The following STK32C variants were observed in gnomAD, a reference collection of about 807,000 sequenced individuals.
The protein encoded by STK32C is serine/threonine kinase 32C, also known as serine/threonine-protein kinase 32C.
Under a neutral mutation model 56.5 loss-of-function variants are expected in STK32C, and 31 were observed. That is an observed-to-expected ratio of 0.55 (90% CI 0.41 to 0.74). STK32C has a LOEUF of 0.74. Among genes scored for constraint, STK32C ranks in the 30% least tolerant of loss-of-function variants. STK32C has a pLI of 0.00. For missense variants in STK32C, 544 were observed against 676.9 expected, an observed-to-expected ratio of 0.80 and a Z score of 2.18; for synonymous variants, 309 against 289.4, an observed-to-expected ratio of 1.07 and a Z score of -0.69.
chr10:132,215,545 T>C (rs1476490458), intron 10 of STK32C, among the ~76,000 whole-genome samples: 1 of 149,266 alleles, frequency 6.7e-6, no homozygotes, highest in Non-Finnish European at 1.5e-5. Context: ...ATGTAAGATG[T>C]GACTTGCTCC....
chr10:132,321,210 C>T (rs550270995), downstream of STK32C, among the ~76,000 whole-genome samples: 2 of 152,298 alleles, frequency 1.3e-5, no homozygotes, highest in South Asian at 2.1e-4. Flanking sequence ...CACATGGTGA[C>T]CTGCTTGTCA....
At chr10:132,287,998 G>A (rs571985185) in intron 1 of STK32C, among the ~76,000 whole-genome samples, 14 of 152,082 alleles carry the variant, frequency 9.2e-5, no homozygotes, top group African/African-American at 2.4e-4. Context: ...GGGTAAAGAC[G>A]GCCATACAGG....
At chr10:132,304,034 C>T (rs149710068) in intron 1 of STK32C, among the ~76,000 whole-genome samples, 178 of 152,354 alleles carry the variant, frequency 1.2e-3, no homozygotes, top group Admixed American at 3.2e-3. Flanking sequence ...AGCGGCCACA[C>T]GTGTTAAGGT....
chr10:132,323,637 G>A (rs1329886116), downstream of STK32C, among the ~76,000 whole-genome samples: 3 of 152,196 alleles, frequency 2.0e-5, no homozygotes, highest in Non-Finnish European at 4.4e-5. The surrounding 1 kb of genome is among the most constrained non-coding windows in gnomAD (Gnocchi z 4.8). Flanking sequence ...GGGTGCATGG[G>A]GATTGGAGGC....
chr10:132,211,940 A>G (rs1406745360), intron 10 of STK32C, among the ~76,000 whole-genome samples: 1 of 152,078 alleles, frequency 6.6e-6, no homozygotes, highest in African/African-American at 2.4e-5. Flanking sequence ...TAACTGGACC[A>G]GGAATCCCCA....
chr10:132,231,772 A>G (rs954485145), intron 2 of STK32C, among the ~76,000 whole-genome samples: 1 of 152,214 alleles, frequency 6.6e-6, no homozygotes, highest in Non-Finnish European at 1.5e-5. Flanking sequence ...GTGAAGGTGG[A>G]GCAGAGGCAG....
intron 1 of STK32C, among the ~76,000 whole-genome samples, chr10:132,271,683 C>T (rs2064830681): frequency 6.6e-6 from 1 of 152,202 alleles, no homozygotes; most frequent in Non-Finnish European, 1.5e-5. Context: ...GTGGTGTTTC[C>T]CTAAGGTGGC....
chr10:132,295,829 G>C (rs1047653569), intron 1 of STK32C, among the ~76,000 whole-genome samples: 2 of 152,092 alleles, frequency 1.3e-5, no homozygotes, highest in African/African-American at 4.8e-5. Context: ...GCTGCAGTGA[G>C]CCGAGGTTGT....
At chr10:132,324,855 A>T (rs1432971361) in intron 1 of STK32C, among the ~76,000 whole-genome samples, 1 of 152,218 alleles carries the variant, frequency 6.6e-6, no homozygotes, top group Non-Finnish European at 1.5e-5. Context: ...TGGTCTAGAA[A>T]GGAAGGACAA....
chr10:132,228,199 C>T lies in STK32C; in HGVS notation c.319-71G>A, dbSNP rs759363308. On this transcript the variant is annotated intron_variant, in intron 2 of 11. Coordinates refer to ENST00000298630, the MANE Select transcript of STK32C (RefSeq NM_173575.4). ...GGACACGTGGGGACACCTGGAAATG[C>T]ATGGGGATGCCTGGGGACGCATCGT... 3.7e-6 allele frequency: 6 copies of T among 1,603,208 alleles called. No homozygotes were observed. The African/African-American group carries it at 4.0e-5, about 11-fold the overall frequency.
At chr10:132,232,269 G>A (rs1043269186) in intron 2 of STK32C, among the ~76,000 whole-genome samples, 50 of 152,332 alleles carry the variant, frequency 3.3e-4, no homozygotes, top group African/African-American at 1.1e-3. Flanking sequence ...GTTGAAGGTG[G>A]TTTGGGGTGG....
intron 2 of STK32C, among the ~76,000 whole-genome samples, chr10:132,240,711 G>A (rs528016521): frequency 1.3e-5 from 2 of 152,052 alleles, no homozygotes; most frequent in African/African-American, 2.4e-5. Context: ...TCTCTCCCTC[G>A]GACAGGGGGA....
chr10:132,268,224 C>CGTGTGT (rs59819169), intron 1 of STK32C, among the ~76,000 whole-genome samples: 1 of 87,036 alleles, frequency 1.1e-5, no homozygotes, highest in African/African-American at 5.1e-5. Flanking sequence ...TGTCCCACAT[C>CGTGTGT]GTGTGTGTGT....
intron 1 of STK32C, among the ~76,000 whole-genome samples, chr10:132,251,283 G>T (rs986368179): frequency 6.6e-6 from 1 of 152,204 alleles, no homozygotes; most frequent in African/African-American, 2.4e-5. Context: ...CAGAGGCCAG[G>T]CCCCTGCAAT....
intron 1 of STK32C, among the ~76,000 whole-genome samples, chr10:132,279,186 TCATC>T (rs1158573227): frequency 2.0e-5 from 3 of 152,090 alleles, no homozygotes; most frequent in Admixed American, 2.0e-4. Flanking sequence ...CCACAAAAAT[TCATC>T]AAGACCGATG....
intron 8 of STK32C, 56 bp downstream of exon 8, chr10:132,224,351 G>A (rs1240595263): frequency 1.5e-6 from 2 of 1,328,472 alleles, no homozygotes; most frequent in Non-Finnish European, 2.1e-6. Flanking sequence ...CCGCAGGTAA[G>A]TGAGGGAGGG....
At chr10:132,239,449 G>A (rs942528414) in intron 2 of STK32C, among the ~76,000 whole-genome samples, 4 of 152,240 alleles carry the variant, frequency 2.6e-5, no homozygotes, top group Admixed American at 1.3e-4. Context: ...AACTAATGGA[G>A]TCCAGAAACG....
Position 132,330,585 on chromosome 10 carries a change from G to T in STK32C, c.301+851C>A. The T allele has an allele frequency of 4.3e-6, 3 of 704,694 alleles. No homozygotes were observed. In the South Asian group the frequency reaches 4.5e-5, roughly 11 times the overall value. 43.7% of individuals were successfully genotyped at this position (704,694 alleles called of 1,614,324 possible). A position where few individuals can be genotyped will look rare whatever the true frequency, so the allele number is the denominator to read the frequency against. ...TTAAGTGGCACAATCATAACTCACT[G>T]CAGCCTCAAAATCCTAGGTTCAAGC... On this transcript the variant is annotated intron_variant, in intron 1 of 1. Transcript: ENST00000368619.
chr10:132,310,821 T>C (rs1371969337), upstream of STK32C, among the ~76,000 whole-genome samples: 1 of 152,164 alleles, frequency 6.6e-6, no homozygotes, highest in Non-Finnish European at 1.5e-5. This position sits in a 1 kb window ranked among gnomAD's most constrained non-coding sequence, Gnocchi z 4.6. Flanking sequence ...TTAGCTTGGG[T>C]AGTCCAGCAT....
Sources: allele counts gnomAD v4.1 joint callset (sites outside exome capture counted in the v4.1 genomes callset), GRCh38; gene constraint gnomAD v4.1.1; non-coding constraint Gnocchi (gnomAD v3.1); transcripts MANE v1.5; gene names NCBI Gene and HGNC (gene_info 2026-07-23, HGNC 2026-07-21).